Variants in ADARB2 observed in about 807,000 individuals in gnomAD.
The protein encoded by ADARB2 is adenosine deaminase RNA specific B2 (inactive), also known as inactive double-stranded RNA-specific editase B2.
Under a neutral mutation model 62.2 loss-of-function variants are expected in ADARB2, and 25 were observed. That is an observed-to-expected ratio of 0.40 (90% CI 0.29 to 0.56). The LOEUF (loss-of-function observed/expected upper bound fraction) is 0.56. Among genes scored for constraint, ADARB2 ranks in the 20% least tolerant of loss-of-function variants. The pLI, the probability that ADARB2 is intolerant of heterozygous loss-of-function variation, is 0.43. For synonymous variants in ADARB2, 572 were observed against 500.8 expected (o/e 1.14, Z -1.90); for missense variants, 1,071 against 1,077.4 (o/e 0.99, Z 0.08).
chr10:1,540,799 TCACAG>T (rs1214883076), intron 1 of ADARB2, among the ~76,000 whole-genome samples: 15 of 43,754 alleles, frequency 3.4e-4, no homozygotes, highest in Non-Finnish European at 4.5e-4. Context: ...AGACCCTGGA[TCACAG>T]CCATCCAGAC....
At chr10:1,205,047 C>G (rs1171810509) in intron 7 of ADARB2, among the ~76,000 whole-genome samples, 2 of 152,148 alleles carry the variant, frequency 1.3e-5, no homozygotes, top group Non-Finnish European at 2.9e-5. Flanking sequence ...GGGACTGGGT[C>G]CCCTGACCTC....
chr10:1,434,250 T>C (rs1423942299), intron 1 of ADARB2, among the ~76,000 whole-genome samples: 2 of 152,146 alleles, frequency 1.3e-5, no homozygotes, highest in Non-Finnish European at 2.9e-5. Flanking sequence ...CAGAGGCCGG[T>C]ATGAGAAATT....
chr10:1,441,093 A>T (rs1830899565), intron 1 of ADARB2, among the ~76,000 whole-genome samples: 2 of 152,256 alleles, frequency 1.3e-5, no homozygotes, highest in African/African-American at 4.8e-5. Flanking sequence ...CAGGTAGACC[A>T]GATGTCAGCT....
At chr10:1,733,890 C>A (rs897663416) in intron 1 of ADARB2, among the ~76,000 whole-genome samples, 3 of 152,156 alleles carry the variant, frequency 2.0e-5, no homozygotes, top group African/African-American at 7.2e-5. Context: ...ATTTTCCGAA[C>A]GCCTCTGAGT....
chr10:1,708,486 A>G (rs1834917322), intron 1 of ADARB2, among the ~76,000 whole-genome samples: 1 of 152,174 alleles, frequency 6.6e-6, no homozygotes, highest in Admixed American at 6.5e-5. Flanking sequence ...CCTGGTCAGA[A>G]TCTTTCAGCC....
chr10:1,493,789 C>T (rs1268543295), intron 1 of ADARB2, among the ~76,000 whole-genome samples: 46 of 104,850 alleles, frequency 4.4e-4, no homozygotes, highest in African/African-American at 1.6e-3. Flanking sequence ...GATAGGGTCT[C>T]GCTCTTTCAC....
At chr10:1,726,580 C>A (rs1564205840) in intron 1 of ADARB2, among the ~76,000 whole-genome samples, 1 of 152,052 alleles carries the variant, frequency 6.6e-6, no homozygotes, top group East Asian at 1.9e-4. Flanking sequence ...AAAGAGATGC[C>A]GTCCTTGGTC....
intron 3 of ADARB2, among the ~76,000 whole-genome samples, chr10:1,318,770 C>G (rs1453026105): frequency 6.6e-6 from 1 of 152,196 alleles, no homozygotes; most frequent in African/African-American, 2.4e-5. Context: ...TCTCTCGTTA[C>G]TGTGTTGGCC....
At chr10:1,360,259 A>G (rs1016607525) in intron 3 of ADARB2, among the ~76,000 whole-genome samples, 3 of 152,170 alleles carry the variant, frequency 2.0e-5, no homozygotes, top group Non-Finnish European at 4.4e-5. Context: ...CCCCAGCCCC[A>G]GAGGTGGGCC....
At chr10:1,199,244 G>C (rs1157710118) in intron 8 of ADARB2, among the ~76,000 whole-genome samples, 1 of 150,314 alleles carries the variant, frequency 6.7e-6, no homozygotes, top group African/African-American at 2.5e-5. Flanking sequence ...TCCTGTGAAA[G>C]GCCAGGAGTC....
rs546667799 is a variant in ADARB2, at chr10:1,581,659, C to G, written c.100+155392G>C. Among the ~76,000 whole-genome samples the G allele has an allele frequency of 2.6e-5, 4 of 152,242 alleles. No homozygotes were observed. The South Asian group carries it at 8.3e-4, about 32-fold the overall frequency. On this transcript the variant is annotated intron_variant, in intron 1 of 9. Coordinates refer to ENST00000381312, the MANE Select transcript of ADARB2 (RefSeq NM_018702.4). ...GTGTGTGTGTATACCTATATACATA[C>G]ATGTGTGTGAACATACATCTGGATA...
chr10:1,607,220 C>T (rs1380545017), intron 1 of ADARB2, among the ~76,000 whole-genome samples: 1 of 152,192 alleles, frequency 6.6e-6, no homozygotes, highest in African/African-American at 2.4e-5. Context: ...AGTTGGGCTT[C>T]CCCTGGCCGA....
At position 1,363,847 on chromosome 10, in the gene ADARB2, C is replaced by T; in HGVS notation, c.258G>A (p.Gly86=). The T allele has an allele frequency of 6.5e-7, 1 of 1,541,142 alleles. No individual in the cohort carries two copies. The highest frequency in any genetic ancestry group is 1.2e-5 in the South Asian group (1 of 84,172). ...CGGGCGCGCCGCCCCGGGCCCGGTC[C>T]CCGGAGGGCGGTGGCCGCGCGGCCA... ...GNLAARPPPS[G]DRARGGAPGA... Residue 86 remains glycine, a synonymous_variant, in exon 3 of 10, where the codon GGG becomes GGA. Transcript: ENST00000381312.
At chr10:1,618,945 A>G (rs1833676127) in intron 1 of ADARB2, among the ~76,000 whole-genome samples, 1 of 152,202 alleles carries the variant, frequency 6.6e-6, no homozygotes, top group African/African-American at 2.4e-5. Context: ...AGCTTGTAGA[A>G]GTTCTGTCAG....
At chr10:1,475,264 A>G (rs190205473) in intron 1 of ADARB2, among the ~76,000 whole-genome samples, 157 of 152,238 alleles carry the variant, frequency 1.0e-3, no homozygotes, top group Non-Finnish European at 2.1e-3. Context: ...TTGAATAACT[A>G]CTGTGGAGAA....
intron 3 of ADARB2, among the ~76,000 whole-genome samples, chr10:1,305,131 T>A (rs1367882470): frequency 7.1e-6 from 1 of 141,756 alleles, no homozygotes; most frequent in African/African-American, 2.5e-5. Flanking sequence ...TTTGAAAGGA[T>A]CAACAAAATT....
At chr10:1,275,128 G>GAATCACATTTGGTTGGCC (rs1422462751) in intron 3 of ADARB2, among the ~76,000 whole-genome samples, 1 of 152,238 alleles carries the variant, frequency 6.6e-6, no homozygotes, top group African/African-American at 2.4e-5. Flanking sequence ...GGGGTGGAAT[G>GAATCACATTTGGTTGGCC]AATCACATTT....
At chr10:1,683,332 G>A (rs1037821526) in intron 1 of ADARB2, among the ~76,000 whole-genome samples, 9 of 152,138 alleles carry the variant, frequency 5.9e-5, no homozygotes, top group Non-Finnish European at 2.9e-5. Flanking sequence ...CACATTTCGG[G>A]GAACATGACT....
intron 1 of ADARB2, among the ~76,000 whole-genome samples, chr10:1,638,347 T>C (rs1833938834): frequency 6.6e-6 from 1 of 152,240 alleles, no homozygotes; most frequent in South Asian, 2.1e-4. Context: ...TAAAAGTACA[T>C]ATATTTGACT....
Sources: gnomAD v4.1 joint callset for allele counts (sites outside exome capture counted in the v4.1 genomes callset) on GRCh38, gnomAD v4.1.1 for gene constraint, MANE v1.5 for transcripts, NCBI Gene and HGNC (gene_info 2026-07-23, HGNC 2026-07-21) for gene names.